EHBP1L1: variants seen among roughly 807,000 people sequenced by gnomAD.
EHBP1L1 encodes EH domain-binding protein 1-like protein 1.
A neutral mutation model predicts 151.1 loss-of-function variants in EHBP1L1; 122 were observed. That is an observed-to-expected ratio of 0.81 (90% CI 0.70 to 0.94). The LOEUF is 0.94. Ranked by LOEUF, EHBP1L1 falls within the 40% of genes least tolerant of loss-of-function variation. The pLI is 0.00. For synonymous variants in EHBP1L1, 878 were observed against 810.1 expected (o/e 1.08, Z -1.42); for missense variants, 1,941 against 1,959.8 (o/e 0.99, Z 0.18).
chr11:65,580,833 T>C, intron 6 of EHBP1L1: 1 of 1,182,578 alleles, frequency 8.5e-7, no homozygotes, highest in Non-Finnish European at 1.1e-6. Flanking sequence ...GGCTTCCTCA[T>C]TCCTCCCTGC....
chr11:65,591,519 C>T, intron 16 of EHBP1L1: 1 of 554,320 alleles, frequency 1.8e-6, no homozygotes, highest in Non-Finnish European at 3.2e-6. Flanking sequence ...GTAGCCAGTG[C>T]TTCCTGTTTA....
rs768626806 is a variant in EHBP1L1, at chr11:65,583,829, G to A, written c.3093+64G>A. ...CCCACTAACCTGGGGCTGAGCGAAC[G>A]GCGGCTCTGCATGGACCCACCTGGT... On this transcript the variant is annotated intron_variant, in intron 9 of 18. Transcript: ENST00000309295. 1.0e-5 allele frequency: 15 copies of A among 1,437,524 alleles called. No homozygotes were observed. The Admixed American group carries it at 1.4e-4, about 14-fold the overall frequency. 89.0% of individuals were successfully genotyped at this position (1,437,524 alleles called of 1,614,324 possible). A position where few individuals can be genotyped will look rare whatever the true frequency, so the allele number is the denominator to read the frequency against.
intron 3 of EHBP1L1, 75 bp from the exon 4 acceptor site, chr11:65,579,861 T>C (rs2135240146): frequency 2.2e-6 from 3 of 1,367,556 alleles, no homozygotes; most frequent in Non-Finnish European, 3.1e-6. Flanking sequence ...ACCAAGCACC[T>C]CCTGAGCCAG....
Position 65,580,156 on chromosome 11 carries a change from C to G in EHBP1L1, c.388C>G (p.Gln130Glu), listed in dbSNP as rs1283336270. ...CCGCCATGCAGGGCCCGTGCCTGTC[C>G]AAGTCCCAGTGAGGCTGCGGCTGAA... Reference protein sequence around the residue: ...LARHAGPVPVQVPVRLRLKPK... With the variant: ...LARHAGPVPVEVPVRLRLKPK... The change falls in exon 5 of 19, where the codon CAA becomes GAA. Residue 130 changes from glutamine (Q) to glutamate (E), a missense_variant. Coordinates refer to ENST00000309295, the MANE Select transcript of EHBP1L1 (RefSeq NM_001099409.3). The G allele has an allele frequency of 1.9e-6, 3 of 1,613,728 alleles. No individual in the cohort carries two copies. Among genetic ancestry groups the G allele is most frequent in the Admixed American group, 1.7e-5 (1 of 60,016 alleles).
intron 15 of EHBP1L1, 123 bp from the exon 16 acceptor site, chr11:65,590,370 C>T (rs1252959254): frequency 2.7e-6 from 4 of 1,493,298 alleles, no homozygotes; most frequent in Non-Finnish European, 3.6e-6. Context: ...GTGGCTTCCT[C>T]GAGGCACACA....
chr11:65,591,649 T>TC, intron 16 of EHBP1L1, 151 bp from the exon 17 acceptor site: 1 of 696,522 alleles, frequency 1.4e-6, no homozygotes, highest in Non-Finnish European at 2.6e-6. Flanking sequence ...GTCTGGAGAC[T>TC]AGAGGATAGC....
chr11:65,584,768 G>T, intron 11 of EHBP1L1, 191 bp from the exon 12 acceptor site: 1 of 965,324 alleles, frequency 1.0e-6, no homozygotes, highest in Non-Finnish European at 1.5e-6. Flanking sequence ...TAACGGGGTG[G>T]ACGGTGTGCC....
rs1858340141 is a variant in EHBP1L1, at chr11:65,591,974, A to G, written c.4358-2A>G. The G allele has an allele frequency of 6.2e-7, 1 of 1,611,062 alleles. No individual in the cohort carries two copies. Among genetic ancestry groups the G allele is most frequent in the Non-Finnish European group, 8.5e-7 (1 of 1,177,820 alleles). ...CTGACGCTTAGCCGCTTCGACCCTC[A>G]GACTGGCAGAAAACGTCCGCTCAGC... On this transcript the variant is annotated splice_acceptor_variant, in intron 17 of 18. Transcript: ENST00000309295. LOFTEE classifies it high-confidence loss of function.
In EHBP1L1 at chr11:65,576,383, A is replaced by T. The variant is rs771384442; in HGVS notation, c.81A>T (p.Leu27=). 2 of 1,589,960 alleles carry T rather than the reference A, an allele frequency of 1.3e-6. No individual in the cohort carries two copies. The highest frequency in any genetic ancestry group is 4.6e-5 in the East Asian group (2 of 43,630). The stretch of plus-strand genomic sequence containing the variant: ...AGTTCGTGGCCTGTTACCACGAGCT[A>T]GTGTTGGAGTGCACCAAGAAATGGT... ...KFQFVACYHE[L]VLECTKKWQP... The change falls in exon 1 of 19, where the codon CTA becomes CTT. Residue 27 remains leucine, a synonymous_variant. Coordinates refer to ENST00000309295, the MANE Select transcript of EHBP1L1 (RefSeq NM_001099409.3).
rs751001076 is a variant in EHBP1L1 at position 65,583,481 on chromosome 11, G to C, written c.2809G>C (p.Ala937Pro). ...SETQVLRVQE[A>P]EAGVWGMSEG... is the part of the protein sequence containing the mutation. ...GACTCAAGTTCTGAGAGTCCAGGAGGCAGAGGCTGGGGTTTGGGGGATGTC... is the reference window on the plus strand; with the variant it reads ...GACTCAAGTTCTGAGAGTCCAGGAGCCAGAGGCTGGGGTTTGGGGGATGTC... Residue 937 changes from alanine to proline, a missense_variant, in exon 9 of 19, where the codon GCA becomes CCA. By Grantham distance (27) the Ala-to-Pro change is conservative. Coordinates refer to ENST00000309295, the MANE Select transcript of EHBP1L1 (RefSeq NM_001099409.3). 1.2e-6 allele frequency: 2 copies of C among 1,613,554 alleles called. No homozygotes were observed. Among genetic ancestry groups the C allele is most frequent in the South Asian group, 2.2e-5 (2 of 91,068 alleles).
At chr11:65,578,994 G>T in intron 1 of EHBP1L1, 84 bp from the exon 2 acceptor site, 1 of 1,343,410 alleles carries the variant, frequency 7.4e-7, no homozygotes, top group South Asian at 1.3e-5. Flanking sequence ...AGGGAGCTGG[G>T]GGAGGAGGAA....
At position 65,592,054 on chromosome 11, in the gene EHBP1L1, A is replaced by G; in HGVS notation, c.4436A>G (p.Asp1479Gly). The part of the protein sequence containing the change: ...EELVSLVNQR[D>G]ELVRDLDHKE... Reference sequence around the variant, plus strand: ...CTGGTGTCGCTGGTGAACCAGCGCGATGAGCTAGTCCGGGACCTGGACCAC... The same window carrying G: ...CTGGTGTCGCTGGTGAACCAGCGCGGTGAGCTAGTCCGGGACCTGGACCAC... The change falls in exon 18 of 19, where the codon GAT becomes GGT. Residue 1479 changes from aspartate to glycine, a missense_variant. Asp to Gly is a moderately conservative substitution (Grantham distance 94). Coordinates refer to ENST00000309295, the MANE Select transcript of EHBP1L1 (RefSeq NM_001099409.3). 3.7e-6 allele frequency: 6 copies of G among 1,613,304 alleles called. No homozygotes were observed. The highest frequency in any genetic ancestry group is 5.1e-6 in the Non-Finnish European group (6 of 1,179,644).
rs764656031 is a variant in EHBP1L1, at chr11:65,590,214, G to C, written c.4183+4G>C. ...CTGAGGAGCCTCATGGAGTCAGGTG[G>C]GGCATACATCTAGGGATCCCTTCCC... On this transcript the variant is annotated splice_donor_region_variant and intron_variant, in intron 15 of 18. Coordinates refer to ENST00000309295, the MANE Select transcript of EHBP1L1 (RefSeq NM_001099409.3). 1 of 1,612,888 alleles carries C rather than the reference G, an allele frequency of 6.2e-7. No homozygotes were observed. The highest frequency in any genetic ancestry group is 2.2e-5 in the East Asian group (1 of 44,858).
In EHBP1L1 at chr11:65,583,287, T is replaced by C. The variant is rs374858482; in HGVS notation, c.2615T>C (p.Ile872Thr). The change falls in exon 9 of 19, where the codon ATA becomes ACA. Residue 872 changes from isoleucine (I) to threonine (T), a missense_variant. By Grantham distance (89) the Ile-to-Thr change is moderately conservative (BLOSUM62 -1). Coordinates refer to ENST00000309295, the MANE Select transcript of EHBP1L1 (RefSeq NM_001099409.3). ...CTGATGACCCGTAAGACAGAAATTA[T>C]AGTTCCAGAGGCTGAGAAGGAAGAG... ...RVLMTRKTEI[I>T]VPEAEKEEAQ... 250 of 1,613,422 alleles carry C rather than the reference T, an allele frequency of 1.5e-4. No individual in the cohort carries two copies. The highest frequency in any genetic ancestry group is 1.9e-4 in the Non-Finnish European group (221 of 1,179,798).
chr11:65,585,847 T>G lies in EHBP1L1; in HGVS notation c.3933+256T>G, dbSNP rs1456035736. ...TTGAGCCAAGGCCCACCAGGCAGGG[T>G]CCCCAGCTTTGCGGCCAGCCTGGGA... On this transcript the variant is annotated intron_variant, in intron 12 of 18. Coordinates refer to ENST00000309295, the MANE Select transcript of EHBP1L1 (RefSeq NM_001099409.3). This position sits in a 1 kb window ranked among gnomAD's most constrained non-coding sequence, Gnocchi z 4.0. Among the ~76,000 whole-genome samples, 1 of 152,136 alleles carries G rather than the reference T, an allele frequency of 6.6e-6. No homozygotes were observed. The highest frequency in any genetic ancestry group is 2.4e-5 in the African/African-American group (1 of 41,438).
chr11:65,579,647 C>T (rs1857497030), intron 3 of EHBP1L1, among the ~76,000 whole-genome samples: 1 of 152,020 alleles, frequency 6.6e-6, no homozygotes. Context: ...TGAGAGGCAG[C>T]TGGGACCAGA....
chr11:65,582,325 G>A lies in EHBP1L1; in HGVS notation c.1653G>A (p.Gly551=). ...WQGALLSTAQ[G]AISRGLGGWE... is the part of the protein sequence containing the mutation. Reference sequence around the variant, plus strand: ...GGGCCCTGTTATCAACTGCCCAGGGGGCAATATCCAGGGGTCTGGGAGGCT... The same window carrying A: ...GGGCCCTGTTATCAACTGCCCAGGGAGCAATATCCAGGGGTCTGGGAGGCT... The change falls in exon 9 of 19, where the codon GGG becomes GGA. Residue 551 remains glycine (G), a synonymous_variant. Transcript: ENST00000309295. 1.3e-6 allele frequency: 2 copies of A among 1,550,664 alleles called. No homozygotes were observed. Among genetic ancestry groups the A allele is most frequent in the East Asian group, 4.5e-5 (2 of 44,604 alleles).
In EHBP1L1 at chr11:65,585,273, G is replaced by C; in HGVS notation, c.3615G>C (p.Pro1205=). 9.3e-7 allele frequency: 1 copy of C among 1,080,964 alleles called. No individual in the cohort carries two copies. The highest frequency in any genetic ancestry group is 1.1e-6 in the Non-Finnish European group (1 of 891,216). 67.0% of individuals were successfully genotyped at this position (1,080,964 alleles called of 1,614,324 possible). The change falls in exon 12 of 19, where the codon CCG becomes CCC. Residue 1205 remains proline (P), a synonymous_variant. Transcript: ENST00000309295. This position sits in a 1 kb window ranked among gnomAD's most constrained non-coding sequence, Gnocchi z 4.0. ...EAADRADGAA[P]GVASRNAVAG... is the part of the protein sequence containing the mutation. Reference sequence around the variant, plus strand: ...CAGACCGCGCAGACGGGGCGGCCCCGGGGGTGGCCTCCAGGAACGCGGTCG... The same window carrying C: ...CAGACCGCGCAGACGGGGCGGCCCCCGGGGTGGCCTCCAGGAACGCGGTCG...
intron 1 of EHBP1L1, among the ~76,000 whole-genome samples, chr11:65,578,692 C>T (rs747318726): frequency 7.9e-5 from 12 of 152,258 alleles, no homozygotes; most frequent in Non-Finnish European, 1.5e-4. Context: ...GTCTTTGTCT[C>T]TCCCTGTGTT....
Sources: allele counts gnomAD v4.1 joint callset (sites outside exome capture counted in the v4.1 genomes callset), GRCh38; gene constraint gnomAD v4.1.1; non-coding constraint Gnocchi (gnomAD v3.1); transcripts MANE v1.5; gene names NCBI Gene and HGNC (gene_info 2026-07-23, HGNC 2026-07-21).